The following CPNE5 variants were observed in gnomAD, a reference collection of about 807,000 sequenced individuals.
CPNE5 encodes copine 5.
In CPNE5, 42 loss-of-function variants were observed where a neutral mutation model predicts 81.1. That is an observed-to-expected ratio of 0.52 (90% CI 0.40 to 0.67). CPNE5 has a LOEUF of 0.67. Ranked by LOEUF, CPNE5 falls within the 30% of genes least tolerant of loss-of-function variation. CPNE5 has a pLI of 0.00. For synonymous variants in CPNE5, 313 were observed against 321.5 expected (o/e 0.97, Z 0.28); for missense variants, 612 against 815.5 (o/e 0.75, Z 3.04).
chr6:36,810,578 G>A (rs1771014358), intron 3 of CPNE5, among the ~76,000 whole-genome samples: 1 of 152,322 alleles, frequency 6.6e-6, no homozygotes, highest in South Asian at 2.1e-4. Context: ...CCTGAGATCT[G>A]GGGACAGGAA....
chr6:36,759,171 G>C (rs1765774925), intron 12 of CPNE5, among the ~76,000 whole-genome samples: 1 of 152,190 alleles, frequency 6.6e-6, no homozygotes, highest in African/African-American at 2.4e-5. Flanking sequence ...TTTCTTCTAA[G>C]CTTTCTATGT....
chr6:36,763,330 C>T lies in CPNE5; in HGVS notation c.780-338G>A, dbSNP rs113510483. Among the ~76,000 whole-genome samples the T allele has an allele frequency of 2.1e-3, 315 of 152,232 alleles. 2 individuals carry two copies. Among genetic ancestry groups the T allele is most frequent in the African/African-American group, 7.2e-3 (301 of 41,526 alleles). On this transcript the variant is annotated intron_variant, in intron 11 of 20. Transcript: ENST00000244751. ...TATTTAAAAATATTGTGGCCGGGCG[C>T]GGTGGCTCATGCCTATAATCCCAGC...
At chr6:36,796,987 T>C (rs533195069) in intron 6 of CPNE5, among the ~76,000 whole-genome samples, 1 of 152,254 alleles carries the variant, frequency 6.6e-6, no homozygotes, top group Admixed American at 6.5e-5. Context: ...CTCGGCTCAC[T>C]GCAACCTCCT....
In CPNE5 at chr6:36,821,831, G is replaced by A. The variant is rs1433761212; in HGVS notation, c.183+283C>T. Among the ~76,000 whole-genome samples, 3 of 152,292 alleles carry A rather than the reference G, an allele frequency of 2.0e-5. No homozygotes were observed. The East Asian group carries it at 5.8e-4, about 29-fold the overall frequency. Reference sequence around the variant, plus strand: ...CAGCCAGCAGACAAGGTCTTAACGGGCACGGACTCCTTCTGCGTCTCCCTG... The same window carrying A: ...CAGCCAGCAGACAAGGTCTTAACGGACACGGACTCCTTCTGCGTCTCCCTG... On this transcript the variant is annotated intron_variant, in intron 3 of 20. Coordinates refer to ENST00000244751, the MANE Select transcript of CPNE5 (RefSeq NM_020939.2).
At chr6:36,758,717 C>T (rs760304423) in intron 12 of CPNE5, among the ~76,000 whole-genome samples, 29 of 152,080 alleles carry the variant, frequency 1.9e-4, no homozygotes, top group Non-Finnish European at 3.7e-4. Flanking sequence ...TATAGAGGTT[C>T]GAGAGAGGGA....
chr6:36,828,694 T>G (rs562491602), intron 1 of CPNE5, among the ~76,000 whole-genome samples: 7 of 152,192 alleles, frequency 4.6e-5, no homozygotes, highest in Non-Finnish European at 1.0e-4. Context: ...GAGCTTTCAT[T>G]AGCTACCCGA....
chr6:36,839,783 A>C, upstream of CPNE5: 1 of 157,202 alleles, frequency 6.4e-6, no homozygotes, highest in Non-Finnish European at 1.4e-5. This position sits in a 1 kb window ranked among gnomAD's most constrained non-coding sequence, Gnocchi z 7.3. Context: ...GATGCAGAAG[A>C]CAGGGAGAGG....
chr6:36,789,341 A>G (rs1172015008), intron 8 of CPNE5, among the ~76,000 whole-genome samples: 7 of 152,296 alleles, frequency 4.6e-5, no homozygotes, highest in Admixed American at 2.6e-4. Flanking sequence ...TAGGTATTCA[A>G]CCTAAGACTG....
At chr6:36,786,712 T>C (rs1768586370) in intron 8 of CPNE5, among the ~76,000 whole-genome samples, 1 of 152,234 alleles carries the variant, frequency 6.6e-6, no homozygotes, top group African/African-American at 2.4e-5. Context: ...ATTAAGTGCA[T>C]GTTTTCTAAA....
intron 3 of CPNE5, among the ~76,000 whole-genome samples, chr6:36,821,064 C>A (rs1305988561): frequency 6.6e-6 from 1 of 151,972 alleles, no homozygotes; most frequent in Admixed American, 6.6e-5. Flanking sequence ...GATAGGGTGG[C>A]CAGAGGAGGC....
intron 10 of CPNE5, among the ~76,000 whole-genome samples, chr6:36,772,898 G>A (rs1324366312): frequency 6.6e-6 from 1 of 151,848 alleles, no homozygotes; most frequent in Non-Finnish European, 1.5e-5. Flanking sequence ...GGAGTGCAGT[G>A]GTGCAATCAT....
At chr6:36,829,850 CAA>C (rs1224687378) in intron 1 of CPNE5, among the ~76,000 whole-genome samples, 11 of 47,346 alleles carry the variant, frequency 2.3e-4, no homozygotes, top group African/African-American at 7.4e-4. Context: ...GTAGGAATTG[CAA>C]AAAAAAAAAA....
At position 36,751,488 on chromosome 6, in the gene CPNE5, T is replaced by C. The variant is rs115132903; in HGVS notation, c.971+1546A>G. Among the ~76,000 whole-genome samples the C allele has an allele frequency of 4.7e-3, 722 of 152,136 alleles. 7 individuals carry two copies. Among genetic ancestry groups the C allele is most frequent in the African/African-American group, 0.016 (646 of 41,506 alleles). ...CTGTAAGTTGGGGGTACTATGCAAA[T>C]GAAAAAAATAAATAGGATGGACTGG... On this transcript the variant is annotated intron_variant, in intron 14 of 20. Transcript: ENST00000244751.
At chr6:36,828,308 C>CA (rs11444450) in intron 1 of CPNE5, among the ~76,000 whole-genome samples, 34,774 of 78,484 alleles carry the variant, frequency 0.44, 6,764 homozygotes, top group South Asian at 0.58. Flanking sequence ...AACAACAAAC[C>CA]AAAAAAAAAA....
chr6:36,792,051 C>T lies in CPNE5; in HGVS notation c.510G>A (p.Glu170=), dbSNP rs77082945. The change falls in exon 8 of 21, where the codon GAG becomes GAA. Residue 170 remains glutamate, a synonymous_variant. Transcript: ENST00000244751. The part of the protein sequence containing the change: ...KKCGTIILSA[E]ELSNCRDVAT... ...CACTCACCCTACAGTTGCTGAGCTCCTCAGCGGACAGGATGATGGTGCCAC... is the reference window on the plus strand; with the variant it reads ...CACTCACCCTACAGTTGCTGAGCTCTTCAGCGGACAGGATGATGGTGCCAC... 4.0e-4 allele frequency: 651 copies of T among 1,614,112 alleles called. 4 individuals carry two copies. The African/African-American group carries it at 7.1e-3, about 18-fold the overall frequency.
chr6:36,832,980 C>T (rs1225878446), intron 1 of CPNE5, among the ~76,000 whole-genome samples: 1 of 152,190 alleles, frequency 6.6e-6, no homozygotes, highest in Admixed American at 6.5e-5. Context: ...CCCAAGGATT[C>T]CTCCAGTTCT....
At chr6:36,758,853 G>A (rs1765745275) in intron 12 of CPNE5, among the ~76,000 whole-genome samples, 2 of 152,218 alleles carry the variant, frequency 1.3e-5, no homozygotes, top group Admixed American at 1.3e-4. Flanking sequence ...GATGGTGAGA[G>A]AGCCCGGGAG....
rs1387277531 is a variant in CPNE5 at position 36,790,128 on chromosome 6, C to T, written c.528+1905G>A. On this transcript the variant is annotated intron_variant, in intron 8 of 20. Transcript: ENST00000244751. ...ACCTTGGACCGATCAATTAACCTCT[C>T]TGTGCTTCAGTTTCCTTATCTATAA... Among the ~76,000 whole-genome samples, 4 of 152,170 alleles carry T rather than the reference C, an allele frequency of 2.6e-5. No homozygotes were observed. In the South Asian group the frequency reaches 6.2e-4, roughly 24 times the overall value.
chr6:36,816,967 C>T (rs930916176), intron 3 of CPNE5, among the ~76,000 whole-genome samples: 1 of 152,146 alleles, frequency 6.6e-6, no homozygotes, highest in Non-Finnish European at 1.5e-5. Context: ...TCAGTAGGGA[C>T]GGGTCTTGCC....
Sources: allele counts gnomAD v4.1 joint callset (sites outside exome capture counted in the v4.1 genomes callset), GRCh38; gene constraint gnomAD v4.1.1; non-coding constraint Gnocchi (gnomAD v3.1); transcripts MANE v1.5; gene names NCBI Gene and HGNC (gene_info 2026-07-23, HGNC 2026-07-21).